The following NBPF12 variants were observed in gnomAD, a reference collection of about 807,000 sequenced individuals.
NBPF12 encodes NBPF family member NBPF12.
A neutral mutation model predicts 146.4 loss-of-function variants in NBPF12; 115 were observed. The ratio of observed to expected loss-of-function variants is 0.79; its 90% confidence interval spans 0.68 to 0.92. The LOEUF is 0.92. NBPF12 is among the 40% of genes least tolerant of loss of function. The probability of loss-of-function intolerance (pLI) is 0.00; values close to 1 mark genes in which losing one functional copy is unlikely to be tolerated. For missense variants in NBPF12, 1,205 were observed against 1,326.8 expected (o/e 0.91, Z 1.43); for synonymous variants, 385 against 508.9 (o/e 0.76, Z 3.28).
chr1:146,965,837 G>GCTGGCTCA (rs1328493545), intron 8 of NBPF12, among the ~76,000 whole-genome samples: 1 of 138,082 alleles, frequency 7.2e-6, no homozygotes, highest in Admixed American at 7.5e-5. Flanking sequence ...GACCAGGGGC[G>GCTGGCTCA]CTGGCTCACA....
At chr1:146,952,440 G>A (rs1268204692) in intron 2 of NBPF12, among the ~76,000 whole-genome samples, 3 of 152,158 alleles carry the variant, frequency 2.0e-5, no homozygotes, top group East Asian at 3.9e-4. Flanking sequence ...ATGCCGTGTA[G>A]CACTTTATGT....
chr1:146,970,781 T>G (rs1245773211), intron 12 of NBPF12, 62 bp downstream of exon 15: 1 of 1,241,826 alleles, frequency 8.1e-7, no homozygotes, highest in Non-Finnish European at 1.2e-6. Flanking sequence ...CTAGGAGGCA[T>G]GCCCTCTCTG....
chr1:146,971,063 T>C, intron 12 of NBPF12, 120 bp from the exon 16 acceptor site: 4 of 1,520,786 alleles, frequency 2.6e-6, no homozygotes, highest in Non-Finnish European at 3.6e-6. Context: ...AAAGGGAACC[T>C]CCATTTTGCT....
At chr1:146,976,449 G>C (rs1330888584) in intron 16 of NBPF12, among the ~76,000 whole-genome samples, 33 of 124,016 alleles carry the variant, frequency 2.7e-4, no homozygotes, top group Admixed American at 1.7e-4. Flanking sequence ...AAGTGCTTCA[G>C]ACTGGAGCAC....
chr1:146,980,663 C>T (rs1657313760), intron 19 of NBPF12, among the ~76,000 whole-genome samples: 1 of 151,992 alleles, frequency 6.6e-6, no homozygotes, highest in Non-Finnish European at 1.5e-5. Context: ...AGAAATCGAA[C>T]ACTTTTACAC....
In NBPF12 at chr1:146,994,578, A is replaced by T. The variant is rs782043210; in HGVS notation, c.*3A>T. ...TGGGAGTCATATTCCCACAATAAGC[A>T]GCCCTTACTAAGCCGAGAGGTTTCA... On this transcript the variant is annotated 3_prime_UTR_variant, in exon 34 of 34. Coordinates refer to ENST00000617844, the Ensembl canonical transcript of NBPF12. The T allele has an allele frequency of 3.7e-6, 6 of 1,608,840 alleles. 1 individual carries two copies. The African/African-American group carries it at 6.8e-5, about 18-fold the overall frequency.
chr1:146,940,680 G>A (rs1403162119), intron 1 of NBPF12, among the ~76,000 whole-genome samples: 1 of 151,966 alleles, frequency 6.6e-6, no homozygotes, highest in East Asian at 1.9e-4. Flanking sequence ...AGAGCTATAT[G>A]AATGATAAAA....
At chr1:146,941,785 A>G (rs1328066798) in intron 1 of NBPF12, among the ~76,000 whole-genome samples, 1 of 144,168 alleles carries the variant, frequency 6.9e-6, no homozygotes, top group African/African-American at 2.6e-5. Context: ...AAAAGAAAGA[A>G]AAAAGAAATC....
rs1553886402 is a variant in NBPF12 at position 146,971,288 on chromosome 1, C to T, written c.1485C>T (p.His495=). 625 of 1,612,312 alleles carry T rather than the reference C, an allele frequency of 3.9e-4. 3 individuals are homozygous for T. The highest frequency in any genetic ancestry group is 4.7e-4 in the Non-Finnish European group (555 of 1,179,768). The change falls in exon 13 of 34, where the codon CAC becomes CAT. Residue 495 remains histidine, a synonymous_variant. Transcript: ENST00000617844. ...GCCCTTGTGACTCCAACCAGCCTCA[C>T]AAGAACATCAAAATCACATTTGAGG... is the stretch of plus-strand genomic sequence containing the variant.
chr1:146,973,558 G>C (rs1183185970), intron 14 of NBPF12, among the ~76,000 whole-genome samples: 1 of 149,362 alleles, frequency 6.7e-6, no homozygotes, highest in Non-Finnish European at 1.5e-5. Flanking sequence ...GGGAGGCTGA[G>C]GCGAGTAGAG....
chr1:146,963,673 G>A (rs1656009566), intron 6 of NBPF12, among the ~76,000 whole-genome samples: 3 of 151,724 alleles, frequency 2.0e-5, no homozygotes, highest in African/African-American at 4.9e-5. Context: ...TCTTAGTGTC[G>A]GTGAGTGAGT....
At chr1:146,975,226 CA>C (rs1470496013) in intron 15 of NBPF12, among the ~76,000 whole-genome samples, 1 of 137,148 alleles carries the variant, frequency 7.3e-6, no homozygotes, top group Non-Finnish European at 1.5e-5. Context: ...TTCACTCAAT[CA>C]ATGTTGCCTT....
chr1:146,981,038 C>T (rs1263898819), intron 19 of NBPF12, among the ~76,000 whole-genome samples: 5 of 137,304 alleles, frequency 3.6e-5, no homozygotes, highest in Non-Finnish European at 7.7e-5. Context: ...GGACAAAAAA[C>T]CAAATACCGC....
At chr1:146,996,073 A>G (rs1382174979) in exon 34 of NBPF12, 18 of 137,588 alleles carry the variant, frequency 1.3e-4, no homozygotes, top group Admixed American at 3.8e-4. Context: ...AATCTATACA[A>G]TTAAAACCTT....
At chr1:146,941,086 A>C (rs1427362902) in intron 1 of NBPF12, among the ~76,000 whole-genome samples, 10 of 151,598 alleles carry the variant, frequency 6.6e-5, no homozygotes, top group Non-Finnish European at 1.3e-4. Flanking sequence ...GAGATTCTCT[A>C]ATTTTTTTTC....
intron 28 of NBPF12, among the ~76,000 whole-genome samples, chr1:146,989,955 G>A (rs1658047992): frequency 7.0e-6 from 1 of 143,702 alleles, no homozygotes; most frequent in African/African-American, 2.6e-5. Context: ...CTAGTCTCAG[G>A]CCCTGCCTGT....
At chr1:146,981,623 C>A (rs1221016899) in intron 19 of NBPF12, among the ~76,000 whole-genome samples, 1 of 151,810 alleles carries the variant, frequency 6.6e-6, no homozygotes, top group Non-Finnish European at 1.5e-5. Flanking sequence ...TGGGGAAGTC[C>A]TCCTGGATAA....
chr1:146,962,943 T>C (rs1655955900), intron 5 of NBPF12, among the ~76,000 whole-genome samples, 152 bp from the exon 9 acceptor site: 1 of 151,486 alleles, frequency 6.6e-6, no homozygotes, highest in African/African-American at 2.4e-5. Flanking sequence ...TTTTCTGTTC[T>C]TTCTCTTGGC....
chr1:146,964,387 A>G (rs1656057598), exon 7 of NBPF12: 2 of 1,603,260 alleles, frequency 1.2e-6, no homozygotes, highest in African/African-American at 2.7e-5. Flanking sequence ...GAAGATGTTC[A>G]AGTTGAGGAG....
Sources: allele counts gnomAD v4.1 joint callset (sites outside exome capture counted in the v4.1 genomes callset), GRCh38; gene constraint gnomAD v4.1.1; transcripts MANE v1.5; gene names NCBI Gene and HGNC (gene_info 2026-07-23, HGNC 2026-07-21).